Variants in IGSF5 observed in about 807,000 individuals in gnomAD.
IGSF5 encodes immunoglobulin superfamily 5 like.
In IGSF5, 41 loss-of-function variants were observed where a neutral mutation model predicts 39.4. That is an observed-to-expected ratio of 1.04 (90% CI 0.81 to 1.35). IGSF5 has a LOEUF of 1.35. Ranked by LOEUF, IGSF5 falls within the 40% of genes most tolerant of loss-of-function variation. The pLI, the probability that IGSF5 is intolerant of heterozygous loss-of-function variation, is 0.00. For missense variants in IGSF5, 487 were observed against 494.6 expected, an observed-to-expected ratio of 0.98 and a Z score of 0.15; for synonymous variants, 183 against 175.3, an observed-to-expected ratio of 1.04 and a Z score of -0.34.
intron 2 of IGSF5, among the ~76,000 whole-genome samples, chr21:39,758,687 T>C (rs920694003): frequency 8.5e-5 from 13 of 152,170 alleles, no homozygotes; most frequent in Non-Finnish European, 5.9e-5. Flanking sequence ...CAGACTACTT[T>C]CTATGGGAAA....
At chr21:39,783,238 A>G (rs1367193116) in intron 5 of IGSF5, among the ~76,000 whole-genome samples, 1 of 152,134 alleles carries the variant, frequency 6.6e-6, no homozygotes, top group African/African-American at 2.4e-5. Flanking sequence ...AGATACCCAG[A>G]TTGCCTGATT....
the IGSF5 span, among the ~76,000 whole-genome samples, chr21:39,736,910 A>G: frequency 6.6e-6 from 1 of 152,164 alleles, no homozygotes. Flanking sequence ...ACGCATGATG[A>G]CAGAGGCCAA....
At chr21:39,769,094 C>A (rs570164830) in intron 3 of IGSF5, among the ~76,000 whole-genome samples, 15 of 152,298 alleles carry the variant, frequency 9.8e-5, no homozygotes, top group Non-Finnish European at 1.5e-4. Flanking sequence ...AAGGTCCATT[C>A]AAAGTGCCAG....
chr21:39,721,929 G>T, the IGSF5 span, among the ~76,000 whole-genome samples: 1 of 152,090 alleles, frequency 6.6e-6, no homozygotes, highest in Admixed American at 6.6e-5. Flanking sequence ...TTTGTAAATT[G>T]CCAGGTAGTA....
chr21:39,727,469 A>G, the IGSF5 span, among the ~76,000 whole-genome samples: 5 of 152,206 alleles, frequency 3.3e-5, no homozygotes, highest in African/African-American at 1.2e-4. Flanking sequence ...AAGTCTGGGG[A>G]TAATGATGAC....
At chr21:39,739,850 A>G in the IGSF5 span, among the ~76,000 whole-genome samples, 1 of 152,196 alleles carries the variant, frequency 6.6e-6, no homozygotes, top group African/African-American at 2.4e-5. Context: ...TAATTCTGGA[A>G]GAGACAAACT....
At chr21:39,776,440 T>A (rs1279021604) in intron 4 of IGSF5, among the ~76,000 whole-genome samples, 1 of 152,158 alleles carries the variant, frequency 6.6e-6, no homozygotes, top group Non-Finnish European at 1.5e-5. Flanking sequence ...GAATAAGTGA[T>A]GTGGTTCCTA....
Position 39,801,257 on chromosome 21 carries a change from G to A in IGSF5, c.1129-5G>A, listed in dbSNP as rs760741025. 4 of 1,612,986 alleles carry A rather than the reference G, an allele frequency of 2.5e-6. No homozygotes were observed. Reference sequence around the variant, plus strand: ...AAATTGACTTTTTTCCTCCTCTGTTGCCAGCGGGCTGATCAACGTCCACCC... The same window carrying A: ...AAATTGACTTTTTTCCTCCTCTGTTACCAGCGGGCTGATCAACGTCCACCC... On this transcript the variant is annotated splice_region_variant and splice_polypyrimidine_tract_variant and intron_variant, in intron 8 of 8. Transcript: ENST00000380588.
intron 7 of IGSF5, among the ~76,000 whole-genome samples, chr21:39,792,493 C>T (rs566723835): frequency 8.5e-5 from 13 of 152,150 alleles, no homozygotes; most frequent in South Asian, 2.1e-4. Context: ...CAAACATGCA[C>T]GTTGTGCACA....
chr21:39,795,876 A>G (rs772445814), intron 8 of IGSF5, among the ~76,000 whole-genome samples: 15 of 151,882 alleles, frequency 9.9e-5, no homozygotes, highest in Non-Finnish European at 2.1e-4. Flanking sequence ...ACAAATCAGG[A>G]CTCTAGGAAG....
chr21:39,749,556 C>T (rs1000555246), intron 2 of IGSF5, among the ~76,000 whole-genome samples: 3 of 152,204 alleles, frequency 2.0e-5, no homozygotes, highest in African/African-American at 4.8e-5. Context: ...AGGTTAAGGA[C>T]GCACCTATGA....
At chr21:39,790,171 A>G (rs1264691422) in intron 6 of IGSF5, among the ~76,000 whole-genome samples, 2 of 152,182 alleles carry the variant, frequency 1.3e-5, no homozygotes, top group South Asian at 2.1e-4. Flanking sequence ...GCATGCATCA[A>G]TGGCGTCATT....
chr21:39,713,476 T>C, the IGSF5 span, among the ~76,000 whole-genome samples: 2 of 152,100 alleles, frequency 1.3e-5, no homozygotes, highest in African/African-American at 4.8e-5. Context: ...GACCTAAGGG[T>C]CTGTGCTGTG....
At chr21:39,737,416 G>A in the IGSF5 span, among the ~76,000 whole-genome samples, 4 of 152,074 alleles carry the variant, frequency 2.6e-5, no homozygotes, top group Non-Finnish European at 5.9e-5. Context: ...CCCACAGGGC[G>A]AGGGCTCTGT....
the IGSF5 span, among the ~76,000 whole-genome samples, chr21:39,717,690 A>C: frequency 6.6e-6 from 1 of 152,146 alleles, no homozygotes; most frequent in Non-Finnish European, 1.5e-5. Context: ...ATTCTGTTCC[A>C]TTGGTCTATA....
the IGSF5 span, chr21:39,730,812 A>G: frequency 8.5e-5 from 13 of 152,226 alleles, no homozygotes; most frequent in African/African-American, 3.1e-4. Flanking sequence ...TTTGTCTTTG[A>G]AAATCGAAGT....
chr21:39,799,847 G>C (rs2087019342), intron 8 of IGSF5, among the ~76,000 whole-genome samples: 1 of 152,080 alleles, frequency 6.6e-6, no homozygotes, highest in Non-Finnish European at 1.5e-5. Flanking sequence ...CTAGACTGTA[G>C]AGATCTCAAT....
At chr21:39,718,637 G>A in the IGSF5 span, among the ~76,000 whole-genome samples, 1,872 of 152,246 alleles carry the variant, frequency 0.012, 43 homozygotes, top group African/African-American at 0.044. Flanking sequence ...TTCTATTTAT[G>A]TGATGAATCA....
intron 2 of IGSF5, among the ~76,000 whole-genome samples, chr21:39,756,833 G>A (rs4816649): frequency 0.82 from 124,053 of 151,886 alleles, 50,842 homozygotes; most frequent in Admixed American, 0.86. Flanking sequence ...ATGCAAGGGT[G>A]GAGGGTGACC....
Sources: gnomAD v4.1 joint callset for allele counts (sites outside exome capture counted in the v4.1 genomes callset) on GRCh38, gnomAD v4.1.1 for gene constraint, MANE v1.5 for transcripts, NCBI Gene and HGNC (gene_info 2026-07-23, HGNC 2026-07-21) for gene names.